The following CHADL variants were observed in gnomAD, a reference collection of about 807,000 sequenced individuals.
CHADL encodes chondroadherin-like protein.
CHADL carries 48 observed loss-of-function variants against 52.1 expected under a neutral mutation model. That is an observed-to-expected ratio of 0.92 (90% confidence interval 0.73 to 1.17). The LOEUF (loss-of-function observed/expected upper bound fraction) is 1.17. CHADL is among the 50% of genes most tolerant of loss of function. CHADL has a pLI of 0.00. For missense variants in CHADL, 977 were observed against 1,035.1 expected (o/e 0.94, Z 0.77); for synonymous variants, 498 against 511.2 (o/e 0.97, Z 0.35).
intron 5 of CHADL, 22 bp downstream of exon 5, chr22:41,235,123 C>T: frequency 1.3e-6 from 2 of 1,549,796 alleles, no homozygotes; most frequent in Non-Finnish European, 1.7e-6. Context: ...CAAGGTCTCA[C>T]CCCTCCTGCC....
In CHADL at chr22:41,237,422, G is replaced by C; in HGVS notation, c.1650C>G (p.Val550=). ...CGGTGATGCGGTTTCCACTCAGGTAGACCCAGCGCAAGGCCCGTGTTCTCC... is the reference window on the plus strand; with the variant it reads ...CGGTGATGCGGTTTCCACTCAGGTACACCCAGCGCAAGGCCCGTGTTCTCC... The part of the protein sequence containing the change: ...DLGRTRALRW[V]YLSGNRITEV... The change falls in exon 3 of 6, where the codon GTC becomes GTG. Residue 550 remains valine (V), a synonymous_variant. Coordinates refer to ENST00000216241, the MANE Select transcript of CHADL (RefSeq NM_138481.2). 1 of 1,550,552 alleles carries C rather than the reference G, an allele frequency of 6.4e-7. No individual in the cohort carries two copies. The highest frequency in any genetic ancestry group is 8.7e-7 in the Non-Finnish European group (1 of 1,146,962).
At position 41,229,745 on chromosome 22, in the gene CHADL, G is replaced by A; in HGVS notation, c.2263-15C>T. On this transcript the variant is annotated splice_polypyrimidine_tract_variant and intron_variant, in intron 5 of 5. Transcript: ENST00000216241. ...TCCTTCCCCACCTGGGCACAGAAGAGTAGAGTCAGGTTTCTTTGGCATTTT... is the reference window on the plus strand; with the variant it reads ...TCCTTCCCCACCTGGGCACAGAAGAATAGAGTCAGGTTTCTTTGGCATTTT... 6.2e-7 allele frequency: 1 copy of A among 1,605,514 alleles called. No individual in the cohort carries two copies. The highest frequency in any genetic ancestry group is 8.5e-7 in the Non-Finnish European group (1 of 1,176,320).
At chr22:41,232,073 C>T (rs1363654219) in intron 5 of CHADL, among the ~76,000 whole-genome samples, 1 of 152,198 alleles carries the variant, frequency 6.6e-6, no homozygotes, top group African/African-American at 2.4e-5. Flanking sequence ...TGGCTCACGC[C>T]TGTAATCCCA....
At chr22:41,240,438 G>A (rs2032840097) in intron 1 of CHADL, among the ~76,000 whole-genome samples, 1 of 152,158 alleles carries the variant, frequency 6.6e-6, no homozygotes, top group Non-Finnish European at 1.5e-5. Context: ...CCCCATCGCT[G>A]GGCTGTTCCC....
chr22:41,240,826 C>T, intron 1 of CHADL, 48 bp downstream of exon 1: 1 of 1,549,956 alleles, frequency 6.5e-7, no homozygotes, highest in Non-Finnish European at 8.7e-7. Flanking sequence ...CCTGAGGCCA[C>T]TGAGCTGCTC....
Position 41,237,237 on chromosome 22 carries a change from G to A in CHADL, c.1835C>T (p.Ala612Val). 1 of 1,550,410 alleles carries A rather than the reference G, an allele frequency of 6.4e-7. No homozygotes were observed. Residue 612 changes from alanine to valine, a missense_variant, in exon 3 of 6, where the codon GCC becomes GTC. Ala to Val is a moderately conservative substitution (Grantham distance 64). Transcript: ENST00000216241. ...GNPLRALRDG[A>V]FQPVGRSLQH... ...CAGCGACCTGCCCACAGGCTGGAAG[G>A]CTCCGTCACGCAAGGCCCTGAGTGG...
rs1000516560 is a variant in CHADL, at chr22:41,237,880, G to C, written c.1192C>G (p.Arg398Gly). The C allele has an allele frequency of 1.4e-6, 2 of 1,387,334 alleles. No individual in the cohort carries two copies. The highest frequency in any genetic ancestry group is 1.9e-6 in the Non-Finnish European group (2 of 1,075,938). 85.9% of individuals were successfully genotyped at this position (1,387,334 alleles called of 1,614,324 possible). A position where few individuals can be genotyped will look rare whatever the true frequency, so the allele number is the denominator to read the frequency against. ...GACTCGGGGACGCACACGCAGGCGC[G>C]AGGGCAAGGCGCGACTGCCCGCTCC... is the stretch of plus-strand genomic sequence containing the variant. ...GEERAVAPCPRACVCVPESRH... is the reference protein window; with the variant it reads ...GEERAVAPCPGACVCVPESRH... The change falls in exon 3 of 6, where the codon CGC becomes GGC. Residue 398 changes from arginine (R) to glycine (G), a missense_variant. By Grantham distance (125) the Arg-to-Gly change is moderately radical. Coordinates refer to ENST00000216241, the MANE Select transcript of CHADL (RefSeq NM_138481.2).
intron 1 of CHADL, among the ~76,000 whole-genome samples, chr22:41,239,929 A>C (rs2032831844): frequency 6.6e-6 from 1 of 152,220 alleles, no homozygotes; most frequent in Non-Finnish European, 1.5e-5. Flanking sequence ...AGTTCAGAGC[A>C]TGTTCTCAGG....
intron 5 of CHADL, among the ~76,000 whole-genome samples, chr22:41,234,738 T>G (rs2032705473): frequency 1.3e-5 from 2 of 152,106 alleles, no homozygotes; most frequent in African/African-American, 4.8e-5. Context: ...GTATTTTTAG[T>G]AGAGACAGGG....
chr22:41,230,080 C>CCG, intron 5 of CHADL: 1 of 548,900 alleles, frequency 1.8e-6, no homozygotes, highest in Non-Finnish European at 3.2e-6. Flanking sequence ...AGCTCCTCCG[C>CCG]CCCCACCCCT....
intron 4 of CHADL, among the ~76,000 whole-genome samples, chr22:41,236,056 G>C (rs1461092212): frequency 1.3e-5 from 2 of 152,162 alleles, no homozygotes; most frequent in Non-Finnish European, 2.9e-5. Flanking sequence ...ATTTTTAGTA[G>C]AGGCAGAGTT....
intron 5 of CHADL, among the ~76,000 whole-genome samples, chr22:41,232,134 C>A (rs913031546): frequency 1.3e-5 from 2 of 151,732 alleles, no homozygotes; most frequent in South Asian, 2.1e-4. Flanking sequence ...AGATCGAGAC[C>A]ATCCTGGCTA....
chr22:41,230,308 A>G lies in CHADL; in HGVS notation c.2263-578T>C, dbSNP rs988730430. The G allele has an allele frequency of 2.4e-6, 3 of 1,272,308 alleles. No individual in the cohort carries two copies. The African/African-American group carries it at 4.4e-5, about 19-fold the overall frequency. 78.8% of individuals were successfully genotyped at this position (1,272,308 alleles called of 1,614,324 possible). On this transcript the variant is annotated intron_variant, in intron 5 of 5. Coordinates refer to ENST00000216241, the MANE Select transcript of CHADL (RefSeq NM_138481.2). Reference sequence around the variant, plus strand: ...GAAGCCAGCCCAGCGTTTCTCTACCACCACCACCATGCCTCCACCTGACTT... The same window carrying G: ...GAAGCCAGCCCAGCGTTTCTCTACCGCCACCACCATGCCTCCACCTGACTT...
chr22:41,235,875 T>C (rs2032731419), intron 4 of CHADL, among the ~76,000 whole-genome samples: 1 of 152,036 alleles, frequency 6.6e-6, no homozygotes, highest in Non-Finnish European at 1.5e-5. Flanking sequence ...TTCTTGTGAC[T>C]TTTTATTTTT....
chr22:41,232,072 CCTGTAATCCCAGCACTTTG>C (rs1452091953), intron 5 of CHADL, among the ~76,000 whole-genome samples: 1 of 152,062 alleles, frequency 6.6e-6, no homozygotes, highest in Non-Finnish European at 1.5e-5. Flanking sequence ...GTGGCTCACG[CCTGTAATCCCAGCACTTTG>C]GGAGGCCACG....
At position 41,238,089 on chromosome 22, in the gene CHADL, G is replaced by T; in HGVS notation, c.983C>A (p.Ala328Glu). 1 of 1,288,364 alleles carries T rather than the reference G, an allele frequency of 7.8e-7. No homozygotes were observed. The highest frequency in any genetic ancestry group is 9.7e-7 in the Non-Finnish European group (1 of 1,027,128). The allele number at this position is 1,288,364 out of a possible 1,614,324, so 79.8% of individuals were successfully genotyped here. Residue 328 changes from alanine to glutamate, a missense_variant, in exon 3 of 6, where the codon GCG becomes GAG. Physicochemically the swap from Ala to Glu is moderately radical, Grantham distance 107. Coordinates refer to ENST00000216241, the MANE Select transcript of CHADL (RefSeq NM_138481.2). The surrounding 1 kb of genome is among the most constrained non-coding windows in gnomAD (Gnocchi z 4.9). ...ARPLLEWLARARVRSDGACQG... is the reference protein window; with the variant it reads ...ARPLLEWLARERVRSDGACQG... Reference sequence around the variant, plus strand: ...GCACGCGCCGTCCGAGCGCACGCGCGCCCGCGCCAGCCACTCGAGTAGGGG... The same window carrying T: ...GCACGCGCCGTCCGAGCGCACGCGCTCCCGCGCCAGCCACTCGAGTAGGGG...
rs868148829 is a variant in CHADL at position 41,235,296 on chromosome 22, G to A, written c.2111C>T (p.Pro704Leu). ...NLRVGATCAT[P>L]PNARGQRVKA... ...CACCCTCTGGCCACGGGCATTGGGA[G>A]GGGTGGCGCAGGTGGCCCCCACCCG... The change falls in exon 5 of 6, where the codon CCT becomes CTT. Residue 704 changes from proline to leucine, a missense_variant. Transcript: ENST00000216241. The A allele has an allele frequency of 7.1e-6, 11 of 1,551,012 alleles. No homozygotes were observed. The highest frequency in any genetic ancestry group is 4.1e-5 in the African/African-American group (3 of 73,058).
In CHADL at chr22:41,237,359, C is replaced by T. The variant is rs762117427; in HGVS notation, c.1713G>A (p.Leu571=). 2.7e-5 allele frequency: 42 copies of T among 1,550,680 alleles called. No homozygotes were observed. The highest frequency in any genetic ancestry group is 1.7e-4 in the East Asian group (7 of 40,916). The change falls in exon 3 of 6, where the codon CTG becomes CTA. Residue 571 remains leucine (L), a synonymous_variant. Transcript: ENST00000216241. ...GATTCCTGTCCAGGTGCAGCTTCTC[C>T]AGCTCCCGAGCTGGGCCCAGCGCCC... is the stretch of plus-strand genomic sequence containing the variant. The part of the protein sequence containing the change: ...SLGALGPARE[L]EKLHLDRNQL...
Position 41,237,799 on chromosome 22 carries a change from TG to T in CHADL, c.1272del (p.Ser425AlafsTer8). ...CGLQAVPRGF[P>X]SDTQLLDLRR... Reference sequence around the variant, plus strand: ...CTCAGGTCCAGGAGCTGGGTGTCGCTGGGGAAGCCGCGGGGCACCGCCTGCA... The same window carrying T: ...CTCAGGTCCAGGAGCTGGGTGTCGCTGGGAAGCCGCGGGGCACCGCCTGCA... On this transcript the variant is annotated frameshift_variant, in exon 3 of 6. Coordinates refer to ENST00000216241, the MANE Select transcript of CHADL (RefSeq NM_138481.2). LOFTEE classifies it high-confidence loss of function. 7.3e-7 allele frequency: 1 copy of T among 1,374,380 alleles called. No individual in the cohort carries two copies. Among genetic ancestry groups the T allele is most frequent in the Non-Finnish European group, 9.6e-7 (1 of 1,046,742 alleles). The allele number at this position is 1,374,380 out of a possible 1,614,324, so 85.1% of individuals were successfully genotyped here.
Sources: allele counts gnomAD v4.1 joint callset (sites outside exome capture counted in the v4.1 genomes callset), GRCh38; gene constraint gnomAD v4.1.1; non-coding constraint Gnocchi (gnomAD v3.1); transcripts MANE v1.5; gene names NCBI Gene and HGNC (gene_info 2026-07-23, HGNC 2026-07-21).